The following SAMD3 variants were observed in gnomAD, a reference collection of about 807,000 sequenced individuals.
SAMD3 encodes the protein sterile alpha motif domain-containing protein 3.
A neutral mutation model predicts 58.5 loss-of-function variants in SAMD3; 63 were observed. The ratio of observed to expected loss-of-function variants is 1.08; its 90% CI spans 0.88 to 1.33. The LOEUF (loss-of-function observed/expected upper bound fraction) is 1.33, where lower values mean the gene tolerates loss of function less well. Among genes scored for constraint, SAMD3 ranks in the 40% most tolerant of loss-of-function variants. The pLI, the probability that SAMD3 is intolerant of heterozygous loss-of-function variation, is 0.00. For synonymous variants in SAMD3, 220 were observed against 210.3 expected (o/e 1.05, Z -0.40); for missense variants, 604 against 608.4 (o/e 0.99, Z 0.08).
chr6:130,238,977 T>C (rs1386960329), intron 2 of SAMD3, among the ~76,000 whole-genome samples: 1 of 152,196 alleles, frequency 6.6e-6, no homozygotes, highest in Non-Finnish European at 1.5e-5. Context: ...TAGGCTGGTC[T>C]CAAACTCCTG....
intron 2 of SAMD3, among the ~76,000 whole-genome samples, chr6:130,232,280 T>C (rs981850309): frequency 1.3e-5 from 2 of 152,196 alleles, no homozygotes; most frequent in Non-Finnish European, 2.9e-5. Flanking sequence ...CTCCAAAGGA[T>C]TGGACAAGGC....
At chr6:130,299,748 C>G (rs1775683379) in intron 2 of SAMD3, among the ~76,000 whole-genome samples, 3 of 151,962 alleles carry the variant, frequency 2.0e-5, no homozygotes. Flanking sequence ...TGCAAATAAC[C>G]ACATTCAGAA....
chr6:130,363,533 T>G (rs1778044466), intron 1 of SAMD3, among the ~76,000 whole-genome samples: 1 of 152,214 alleles, frequency 6.6e-6, no homozygotes, highest in Admixed American at 6.5e-5. Flanking sequence ...AAGTTTGATG[T>G]GAGTGTATAT....
chr6:130,348,979 C>T (rs1777557155), intron 1 of SAMD3, among the ~76,000 whole-genome samples: 1 of 151,982 alleles, frequency 6.6e-6, no homozygotes, highest in Non-Finnish European at 1.5e-5. Flanking sequence ...TGAATGACTA[C>T]TGGGTACATA....
At chr6:130,152,810 C>T (rs1582724683) in intron 9 of SAMD3, among the ~76,000 whole-genome samples, 1 of 152,252 alleles carries the variant, frequency 6.6e-6, no homozygotes, top group South Asian at 2.1e-4. Flanking sequence ...GAAGATACAC[C>T]TATGCCACAG....
At chr6:130,315,034 C>T (rs994493853) in intron 1 of SAMD3, among the ~76,000 whole-genome samples, 4 of 152,118 alleles carry the variant, frequency 2.6e-5, no homozygotes, top group Non-Finnish European at 5.9e-5. Context: ...AAGTTCCCTC[C>T]TCAAACTATA....
At chr6:130,260,366 T>C (rs532719076) in intron 2 of SAMD3, among the ~76,000 whole-genome samples, 2 of 152,318 alleles carry the variant, frequency 1.3e-5, no homozygotes, top group South Asian at 4.1e-4. Flanking sequence ...CTTCCTGGTC[T>C]GTTCTGTTTC....
intron 2 of SAMD3, among the ~76,000 whole-genome samples, chr6:130,253,391 A>G (rs1489939645): frequency 6.6e-6 from 1 of 152,110 alleles, no homozygotes; most frequent in Non-Finnish European, 1.5e-5. Context: ...ACTACCTAAA[A>G]TTCTTTTTCA....
intron 2 of SAMD3, among the ~76,000 whole-genome samples, chr6:130,275,793 A>G (rs1191313557): frequency 6.6e-6 from 1 of 152,056 alleles, no homozygotes; most frequent in South Asian, 2.1e-4. Context: ...ATTTACATTT[A>G]CAATCCATAT....
chr6:130,231,475 A>T (rs1387243304), intron 2 of SAMD3, among the ~76,000 whole-genome samples: 1 of 152,298 alleles, frequency 6.6e-6, no homozygotes, highest in South Asian at 2.1e-4. Flanking sequence ...GAGGCAGGAG[A>T]TCCACTTGAA....
At chr6:130,334,123 A>G (rs1160601441) in intron 1 of SAMD3, among the ~76,000 whole-genome samples, 1 of 152,208 alleles carries the variant, frequency 6.6e-6, no homozygotes, top group African/African-American at 2.4e-5. Context: ...AGGTTTTAAA[A>G]AAAACTAAGA....
chr6:130,294,031 T>C (rs1440564074), intron 2 of SAMD3, among the ~76,000 whole-genome samples: 2 of 152,128 alleles, frequency 1.3e-5, no homozygotes, highest in African/African-American at 4.8e-5. Context: ...AGTGATTGCC[T>C]CTCCTCTGTA....
intron 5 of SAMD3, among the ~76,000 whole-genome samples, chr6:130,203,519 G>C (rs1205526024): frequency 6.6e-6 from 1 of 152,140 alleles, no homozygotes; most frequent in Non-Finnish European, 1.5e-5. Context: ...CTCTATGATT[G>C]AATCACCATG....
At chr6:130,314,434 T>A (rs1225759169) in intron 1 of SAMD3, among the ~76,000 whole-genome samples, 1 of 152,164 alleles carries the variant, frequency 6.6e-6, no homozygotes, top group East Asian at 1.9e-4. Flanking sequence ...AACATAGAGA[T>A]TACAGGTTGC....
At chr6:130,246,191 A>G (rs1773539300) in intron 2 of SAMD3, among the ~76,000 whole-genome samples, 1 of 152,244 alleles carries the variant, frequency 6.6e-6, no homozygotes, top group Admixed American at 6.5e-5. Context: ...TATACTAAAA[A>G]TCAAGACATA....
intron 8 of SAMD3, among the ~76,000 whole-genome samples, chr6:130,174,023 C>T (rs1283596931): frequency 6.6e-6 from 1 of 152,138 alleles, no homozygotes; most frequent in African/African-American, 2.4e-5. Flanking sequence ...GGACAGCCCT[C>T]CCCCCACCAA....
At chr6:130,260,495 C>A (rs554646846) in intron 2 of SAMD3, among the ~76,000 whole-genome samples, 3 of 152,246 alleles carry the variant, frequency 2.0e-5, no homozygotes, top group Non-Finnish European at 4.4e-5. Context: ...AAGAATTGCT[C>A]ACTTGGGGAG....
At chr6:130,259,181 T>C (rs1439689205) in intron 2 of SAMD3, among the ~76,000 whole-genome samples, 3 of 152,196 alleles carry the variant, frequency 2.0e-5, no homozygotes, top group Non-Finnish European at 1.5e-5. Context: ...TTAGTCTGTT[T>C]TATGCTGCTA....
intron 1 of SAMD3, among the ~76,000 whole-genome samples, chr6:130,355,092 A>G (rs1038450975): frequency 4.6e-5 from 7 of 152,174 alleles, no homozygotes; most frequent in African/African-American, 1.7e-4. Flanking sequence ...CCTACATGCC[A>G]TCTGTAGCAG....
Sources: gnomAD v4.1 joint callset for allele counts (sites outside exome capture counted in the v4.1 genomes callset) on GRCh38, gnomAD v4.1.1 for gene constraint, MANE v1.5 for transcripts, NCBI Gene and HGNC (gene_info 2026-07-23, HGNC 2026-07-21) for gene names.